PBX3: variants seen among roughly 807,000 people sequenced by gnomAD.
PBX3 encodes the protein pre-B-cell leukemia transcription factor 3.
Under a neutral mutation model 48.5 loss-of-function variants are expected in PBX3, and 14 were observed. The observed-to-expected ratio is 0.29, with a 90% CI of 0.19 to 0.45. The LOEUF (loss-of-function observed/expected upper bound fraction) is 0.45. Ranked by LOEUF, PBX3 falls within the 20% of genes least tolerant of loss-of-function variation. The probability of loss-of-function intolerance (pLI) is 1.00; values close to 1 mark genes in which losing one functional copy is unlikely to be tolerated. For synonymous variants in PBX3, 210 were observed against 200.3 expected (o/e 1.05, Z -0.41); for missense variants, 386 against 546.7 (o/e 0.71, Z 2.93).
At chr9:125,754,448 C>A (rs1836456386) in intron 2 of PBX3, among the ~76,000 whole-genome samples, 1 of 151,904 alleles carries the variant, frequency 6.6e-6, no homozygotes, top group African/African-American at 2.4e-5. Flanking sequence ...TCAGAACTAG[C>A]TATCTGATTT....
At chr9:125,894,339 A>G (rs1840719783) in intron 2 of PBX3, among the ~76,000 whole-genome samples, 1 of 152,176 alleles carries the variant, frequency 6.6e-6, no homozygotes, top group African/African-American at 2.4e-5. Context: ...ATAAATATAT[A>G]CTTAGAGAAC....
chr9:125,842,442 G>A lies in PBX3; in HGVS notation c.275-73244G>A, dbSNP rs570767431. 4.5e-4 allele frequency among the ~76,000 whole-genome samples: 68 copies of A among 152,180 alleles called. No homozygotes were observed. In the South Asian group the frequency reaches 0.011, roughly 25 times the overall value. ...TCCATTCAGTCTTTTTCAGCCTTCC[G>A]GTTAGGAGAAATCTGCACACCCAGT... On this transcript the variant is annotated intron_variant, in intron 2 of 8. Coordinates refer to ENST00000373489, the MANE Select transcript of PBX3 (RefSeq NM_006195.6).
intron 3 of PBX3, among the ~76,000 whole-genome samples, chr9:125,920,472 C>T (rs10987031): frequency 0.062 from 9,440 of 152,200 alleles, 682 homozygotes; most frequent in East Asian, 0.17. Flanking sequence ...GACACATTGG[C>T]TTTTGCAAAT....
rs1397459654 is a variant in PBX3, at chr9:125,862,551, T to C, written c.275-53135T>C. 4.6e-5 allele frequency among the ~76,000 whole-genome samples: 7 copies of C among 152,160 alleles called. 1 individual carries two copies. Among genetic ancestry groups the C allele is most frequent in the East Asian group, 3.9e-4 (2 of 5,154 alleles). On this transcript the variant is annotated intron_variant, in intron 2 of 8. Transcript: ENST00000373489. Reference sequence around the variant, plus strand: ...GCAGGAGTGTGCCACCACACCCAGCTAATTTTTGTATTTTTAGTAGAGACG... The same window carrying C: ...GCAGGAGTGTGCCACCACACCCAGCCAATTTTTGTATTTTTAGTAGAGACG...
chr9:125,789,067 T>C (rs185311018), intron 2 of PBX3, among the ~76,000 whole-genome samples: 107 of 150,746 alleles, frequency 7.1e-4, no homozygotes, highest in Non-Finnish European at 1.4e-3. Context: ...TCAACACTTA[T>C]TTTAAGATTT....
intron 2 of PBX3, among the ~76,000 whole-genome samples, chr9:125,815,459 G>A (rs1430863673): frequency 6.6e-6 from 1 of 151,862 alleles, no homozygotes; most frequent in African/African-American, 2.4e-5. Flanking sequence ...TTCCTCTCTG[G>A]TTTTGTTGTT....
In PBX3 at chr9:125,747,661, T is replaced by C. The variant is rs1307710195; in HGVS notation, c.200+8T>C. 1.5e-5 allele frequency: 23 copies of C among 1,581,556 alleles called. No individual in the cohort carries two copies. The highest frequency in any genetic ancestry group is 2.0e-5 in the Non-Finnish European group (23 of 1,164,070). On this transcript the variant is annotated splice_region_variant and intron_variant, in intron 1 of 8. Coordinates refer to ENST00000373489, the MANE Select transcript of PBX3 (RefSeq NM_006195.6). ...GGACGAGGCGCAAGCAAAGTTGGTG[T>C]CGTCTCATTAAGCATCTTTTGTGTG...
intron 2 of PBX3, among the ~76,000 whole-genome samples, chr9:125,903,351 A>G (rs1270156529): frequency 6.6e-6 from 1 of 151,872 alleles, no homozygotes; most frequent in East Asian, 1.9e-4. Context: ...GACAGTTTCA[A>G]ATCATTTACA....
intron 2 of PBX3, among the ~76,000 whole-genome samples, chr9:125,863,610 T>G (rs1839914682): frequency 6.6e-6 from 1 of 152,198 alleles, no homozygotes; most frequent in African/African-American, 2.4e-5. Context: ...TGTACCCTAG[T>G]GTAATTGACA....
chr9:125,898,591 G>T (rs1482289754), intron 2 of PBX3, among the ~76,000 whole-genome samples: 1 of 151,708 alleles, frequency 6.6e-6, no homozygotes, highest in Non-Finnish European at 1.5e-5. Flanking sequence ...GGAACATCTA[G>T]CTCAGCCCTC....
In PBX3 at chr9:125,793,363, A is replaced by AT. The variant is rs1564657957; in HGVS notation, c.274+44740_274+44741insT. Among the ~76,000 whole-genome samples, 745 of 91,358 alleles carry AT rather than the reference A, an allele frequency of 8.2e-3. 10 individuals are homozygous for AT. Among genetic ancestry groups the AT allele is most frequent in the African/African-American group, 0.027 (696 of 25,800 alleles). The allele number at this position is 91,358 out of a possible 152,430, so 59.9% of individuals were successfully genotyped here. ...TGAGACTCCATTTGGGGGGGAAAAA[A>AT]AAAATATATATATATATATATATAT... On this transcript the variant is annotated intron_variant, in intron 2 of 8. Coordinates refer to ENST00000373489, the MANE Select transcript of PBX3 (RefSeq NM_006195.6).
At chr9:125,863,151 G>A (rs1054970137) in intron 2 of PBX3, among the ~76,000 whole-genome samples, 3 of 151,588 alleles carry the variant, frequency 2.0e-5, no homozygotes, top group Non-Finnish European at 4.4e-5. Context: ...GCTTGCTTCT[G>A]CCTCCCAAAG....
chr9:125,754,212 A>G (rs1311391505), intron 2 of PBX3, among the ~76,000 whole-genome samples: 1 of 152,060 alleles, frequency 6.6e-6, no homozygotes, highest in African/African-American at 2.4e-5. Flanking sequence ...TATGAGAATA[A>G]TGTTTTGTTT....
intron 2 of PBX3, among the ~76,000 whole-genome samples, chr9:125,783,796 C>T (rs992413742): frequency 6.6e-6 from 1 of 151,756 alleles, no homozygotes; most frequent in South Asian, 2.1e-4. Context: ...GTCAGGAGTT[C>T]GAGACCAGGC....
At chr9:125,824,289 G>A (rs1838744275) in intron 2 of PBX3, among the ~76,000 whole-genome samples, 1 of 152,132 alleles carries the variant, frequency 6.6e-6, no homozygotes, top group South Asian at 2.1e-4. Context: ...TGACTGGTCC[G>A]TTTGTGAGTC....
chr9:125,899,441 G>GTA (rs369506959), intron 2 of PBX3, among the ~76,000 whole-genome samples: 1,034 of 76,484 alleles, frequency 0.014, 60 homozygotes, highest in African/African-American at 0.038. Flanking sequence ...ATATATGTGT[G>GTA]TATATATATA....
At chr9:125,817,996 A>G (rs2132148302) in intron 2 of PBX3, among the ~76,000 whole-genome samples, 1 of 152,238 alleles carries the variant, frequency 6.6e-6, no homozygotes, top group Middle Eastern at 3.4e-3. Context: ...AGGTCAGGAG[A>G]TCGAGACCAG....
At chr9:125,751,917 C>T (rs1345856454) in intron 2 of PBX3, among the ~76,000 whole-genome samples, 2 of 152,012 alleles carry the variant, frequency 1.3e-5, no homozygotes, top group African/African-American at 4.8e-5. Flanking sequence ...CCTGAAAAAT[C>T]TTGTCTTCTT....
chr9:125,951,318 G>A (rs1013900469), intron 5 of PBX3, among the ~76,000 whole-genome samples: 10 of 152,164 alleles, frequency 6.6e-5, no homozygotes, highest in Admixed American at 2.0e-4. Flanking sequence ...GCAGGAGTGT[G>A]GCAGACAGGC....
Sources: allele counts gnomAD v4.1 joint callset (sites outside exome capture counted in the v4.1 genomes callset), GRCh38; gene constraint gnomAD v4.1.1; transcripts MANE v1.5; gene names NCBI Gene and HGNC (gene_info 2026-07-23, HGNC 2026-07-21).